USP32: variants seen among roughly 807,000 people sequenced by gnomAD.
The protein encoded by USP32 is ubiquitin specific peptidase 32.
Under a neutral mutation model 204.8 loss-of-function variants are expected in USP32, and 59 were observed. The ratio of observed to expected loss-of-function variants is 0.29; its 90% confidence interval spans 0.23 to 0.36. The LOEUF is 0.36. Among genes scored for constraint, USP32 ranks in the 10% least tolerant of loss-of-function variants. USP32 has a pLI of 1.00. For missense variants in USP32, 1,160 were observed against 1,946.4 expected (o/e 0.60, Z 7.60); for synonymous variants, 517 against 678.4 (o/e 0.76, Z 3.70).
At chr17:60,358,144 ACT>A (rs1491120285) in intron 1 of USP32, among the ~76,000 whole-genome samples, 1 of 152,164 alleles carries the variant, frequency 6.6e-6, no homozygotes, top group Non-Finnish European at 1.5e-5. Context: ...TGTTTCTACT[ACT>A]TTTTTATTGC....
chr17:60,344,214 C>T (rs1254879079), intron 2 of USP32, among the ~76,000 whole-genome samples: 5 of 147,248 alleles, frequency 3.4e-5, no homozygotes, highest in African/African-American at 1.0e-4. Flanking sequence ...CTGCAACCTC[C>T]GCCTCCTGGG....
chr17:60,287,295 T>A (rs2087139757), intron 5 of USP32, among the ~76,000 whole-genome samples: 1 of 152,252 alleles, frequency 6.6e-6, no homozygotes, highest in South Asian at 2.1e-4. Flanking sequence ...TTTTTAAATC[T>A]GTCTACCTAT....
chr17:60,352,618 A>G (rs2088974380), intron 1 of USP32, among the ~76,000 whole-genome samples: 2 of 152,362 alleles, frequency 1.3e-5, no homozygotes, highest in African/African-American at 4.8e-5. Context: ...TAAACAAAGA[A>G]GTAACAATCA....
At chr17:60,385,510 A>T (rs1182837418) in intron 1 of USP32, among the ~76,000 whole-genome samples, 1 of 150,996 alleles carries the variant, frequency 6.6e-6, no homozygotes, top group Non-Finnish European at 1.5e-5. Context: ...GCGCCACTAC[A>T]CTCCAACCTG....
At chr17:60,273,961 C>CAAAAAAAA in intron 5 of USP32, among the ~76,000 whole-genome samples, 1 of 42,270 alleles carries the variant, frequency 2.4e-5, no homozygotes, top group South Asian at 7.7e-4. Flanking sequence ...GACTCAGTCT[C>CAAAAAAAA]AAAAAAAAAA....
At chr17:60,222,031 A>C (rs761324016) in intron 15 of USP32, among the ~76,000 whole-genome samples, 22 of 152,146 alleles carry the variant, frequency 1.4e-4, no homozygotes, top group Non-Finnish European at 2.8e-4. Context: ...GAAGAATCCA[A>C]TCCCTAACTA....
intron 2 of USP32, among the ~76,000 whole-genome samples, chr17:60,320,578 C>G (rs914641291): frequency 4.6e-5 from 7 of 152,148 alleles, no homozygotes; most frequent in Non-Finnish European, 1.0e-4. Context: ...AAAACCCACA[C>G]AGACATGTGG....
At chr17:60,391,041 T>C (rs961386621) in intron 1 of USP32, among the ~76,000 whole-genome samples, 6 of 152,110 alleles carry the variant, frequency 3.9e-5, no homozygotes, top group Non-Finnish European at 8.8e-5. Flanking sequence ...CTGCCAACAA[T>C]ATACTGTGCC....
intron 10 of USP32, among the ~76,000 whole-genome samples, chr17:60,254,093 A>T (rs1363093474): frequency 6.6e-6 from 1 of 152,224 alleles, no homozygotes; most frequent in Non-Finnish European, 1.5e-5. Flanking sequence ...AACATACTAA[A>T]CCATTCTGAC....
chr17:60,368,592 C>CA lies in USP32; in HGVS notation c.59-22985dup, dbSNP rs1182428356. On this transcript the variant is annotated intron_variant, in intron 1 of 33. Coordinates refer to ENST00000300896, the MANE Select transcript of USP32 (RefSeq NM_032582.4). ...CCTAGTGAAAAACCAAGAATATTAC[C>CA]AAAAAAAAACCCACATACACACAAA... is the stretch of plus-strand genomic sequence containing the variant. 2.4e-3 allele frequency among the ~76,000 whole-genome samples: 358 copies of CA among 150,058 alleles called. 1 individual carries two copies. Among genetic ancestry groups the CA allele is most frequent in the African/African-American group, 4.9e-3 (199 of 40,938 alleles).
chr17:60,303,510 C>T (rs904015590), intron 2 of USP32, among the ~76,000 whole-genome samples: 3 of 151,598 alleles, frequency 2.0e-5, no homozygotes, highest in African/African-American at 7.3e-5. Context: ...GAAAAAACCT[C>T]TAAGAAAGAG....
intron 1 of USP32, among the ~76,000 whole-genome samples, chr17:60,366,161 C>CT (rs1422564838): frequency 6.7e-6 from 1 of 148,976 alleles, no homozygotes; most frequent in African/African-American, 2.5e-5. Flanking sequence ...TTTCTTTTTT[C>CT]TTTTTTCTTT....
At chr17:60,318,308 G>A (rs1041444844) in intron 2 of USP32, among the ~76,000 whole-genome samples, 6 of 152,154 alleles carry the variant, frequency 3.9e-5, no homozygotes, top group African/African-American at 1.4e-4. Flanking sequence ...ATGACCTTTT[G>A]GCTTGTTTAG....
intron 29 of USP32, among the ~76,000 whole-genome samples, chr17:60,186,199 G>A (rs1472701127): frequency 6.6e-6 from 1 of 151,994 alleles, no homozygotes; most frequent in Non-Finnish European, 1.5e-5. Context: ...ATTTTTGAAC[G>A]CTTCAAAATG....
In USP32 at chr17:60,256,689, G is replaced by A. The variant is rs2086315616; in HGVS notation, c.991-1431C>T. Reference sequence around the variant, plus strand: ...ACTGTAGTGTGGTATCTGTTGCTGTGAGGAAAGGAACATCAATGCCTGCAC... The same window carrying A: ...ACTGTAGTGTGGTATCTGTTGCTGTAAGGAAAGGAACATCAATGCCTGCAC... On this transcript the variant is annotated intron_variant, in intron 9 of 33. Coordinates refer to ENST00000300896, the MANE Select transcript of USP32 (RefSeq NM_032582.4). The A allele has an allele frequency of 3.6e-6, 4 of 1,117,202 alleles. No homozygotes were observed. The East Asian group carries it at 2.2e-4, about 62-fold the overall frequency. 69.2% of individuals were successfully genotyped at this position (1,117,202 alleles called of 1,614,324 possible).
intron 1 of USP32, among the ~76,000 whole-genome samples, chr17:60,418,371 G>A (rs1223955276): frequency 1.3e-5 from 2 of 150,426 alleles, no homozygotes; most frequent in Non-Finnish European, 2.9e-5. Flanking sequence ...GGGATTACAG[G>A]TGTGAGCCAC....
intron 11 of USP32, among the ~76,000 whole-genome samples, chr17:60,240,733 A>G (rs1274172430): frequency 6.6e-6 from 1 of 152,172 alleles, no homozygotes; most frequent in Non-Finnish European, 1.5e-5. Flanking sequence ...TACCCAATGT[A>G]CAGTGTGCTT....
intron 3 of USP32, 66 bp downstream of exon 3, chr17:60,301,533 T>C (rs1567839256): frequency 1.0e-6 from 1 of 1,002,102 alleles, no homozygotes; most frequent in Non-Finnish European, 1.4e-6. Flanking sequence ...CTACCTGTCA[T>C]CAGAATTTTG....
At chr17:60,413,940 C>T (rs1332016024) in intron 1 of USP32, among the ~76,000 whole-genome samples, 2 of 149,866 alleles carry the variant, frequency 1.3e-5, no homozygotes, top group Non-Finnish European at 3.0e-5. Context: ...CCAGGCTCCT[C>T]AGGAAGAAAT....
Sources: gnomAD v4.1 joint callset for allele counts (sites outside exome capture counted in the v4.1 genomes callset) on GRCh38, gnomAD v4.1.1 for gene constraint, MANE v1.5 for transcripts, NCBI Gene and HGNC (gene_info 2026-07-23, HGNC 2026-07-21) for gene names.